Variants in CAPN13 observed in about 807,000 individuals in gnomAD.
CAPN13 encodes calpain-13.
CAPN13 carries 90 observed loss-of-function variants against 98.4 expected under a neutral mutation model. That is an observed-to-expected ratio of 0.92 (90% CI 0.77 to 1.09). CAPN13 has a LOEUF of 1.09. Ranked by LOEUF, CAPN13 falls within the 50% of genes least tolerant of loss-of-function variation. The pLI is 0.00. For synonymous variants in CAPN13, 330 were observed against 305.5 expected (o/e 1.08, Z -0.84); for missense variants, 887 against 841.3 (o/e 1.05, Z -0.67).
At chr2:30,769,430 G>A (rs138843981) in intron 5 of CAPN13, among the ~76,000 whole-genome samples, 132 of 152,218 alleles carry the variant, frequency 8.7e-4, no homozygotes, top group African/African-American at 2.9e-3. Flanking sequence ...ATTACTCTTC[G>A]TGTTTCCATT....
At chr2:30,774,706 T>C (rs1034891110) in intron 4 of CAPN13, among the ~76,000 whole-genome samples, 1 of 152,188 alleles carries the variant, frequency 6.6e-6, no homozygotes, top group Non-Finnish European at 1.5e-5. Context: ...GTAATTTCAC[T>C]ACTGTCTATT....
chr2:30,758,811 C>CCTTCCTCCCTTCCTTCCTCCCTT (rs1672619932), intron 7 of CAPN13, among the ~76,000 whole-genome samples: 1 of 92,648 alleles, frequency 1.1e-5, no homozygotes, highest in African/African-American at 5.5e-5. Context: ...TCCCTCCCTT[C>CCTTCCTCCCTTCCTTCCTCCCTT]CCTTCCTCCC....
intron 15 of CAPN13, chr2:30,741,414 A>T: frequency 1.0e-6 from 1 of 989,898 alleles, no homozygotes; most frequent in Non-Finnish European, 1.2e-6. Context: ...CCTGGCAGCT[A>T]TTTTATTCTG....
At chr2:30,739,038 T>A (rs1292263979) in intron 15 of CAPN13, among the ~76,000 whole-genome samples, 1 of 152,132 alleles carries the variant, frequency 6.6e-6, no homozygotes, top group Non-Finnish European at 1.5e-5. Context: ...TTCTTCGGAT[T>A]AAGAGCAGGA....
At chr2:30,779,630 C>T (rs534006213) in intron 2 of CAPN13, among the ~76,000 whole-genome samples, 1 of 152,202 alleles carries the variant, frequency 6.6e-6, no homozygotes, top group Admixed American at 6.5e-5. Flanking sequence ...TATACTCAGA[C>T]AAACCCATAG....
intron 1 of CAPN13, among the ~76,000 whole-genome samples, chr2:30,792,638 G>A (rs961149100): frequency 2.0e-5 from 3 of 151,964 alleles, no homozygotes; most frequent in African/African-American, 7.2e-5. Flanking sequence ...TTCAAGGACA[G>A]AGTAACACTA....
intron 1 of CAPN13, among the ~76,000 whole-genome samples, chr2:30,805,665 G>T (rs62139472): frequency 0.12 from 18,614 of 151,058 alleles, 1,341 homozygotes; most frequent in East Asian, 0.2. Flanking sequence ...TAAGGAGCAT[G>T]CCCCAAATCA....
intron 1 of CAPN13, among the ~76,000 whole-genome samples, chr2:30,787,960 G>A (rs1360281304): frequency 6.6e-6 from 1 of 152,186 alleles, no homozygotes; most frequent in Admixed American, 6.5e-5. Context: ...GGGACTGGAA[G>A]CAGGAAGGAA....
chr2:30,759,902 G>A (rs1056033348), intron 7 of CAPN13, among the ~76,000 whole-genome samples: 4 of 152,114 alleles, frequency 2.6e-5, no homozygotes, highest in African/African-American at 9.7e-5. Context: ...GTCACACATG[G>A]GCCCAGGAGC....
chr2:30,782,727 A>C (rs1674052648), intron 2 of CAPN13, among the ~76,000 whole-genome samples: 1 of 152,206 alleles, frequency 6.6e-6, no homozygotes, highest in East Asian at 1.9e-4. Context: ...TGGGGCACAC[A>C]GCCCATTTTT....
chr2:30,776,967 G>A (rs6714182), intron 3 of CAPN13, among the ~76,000 whole-genome samples: 57,732 of 152,098 alleles, frequency 0.38, 11,302 homozygotes, highest in African/African-American at 0.46. Flanking sequence ...ACCTATCATC[G>A]GCAAGCTGAC....
At chr2:30,724,588 A>G (rs72613856) in intron 22 of CAPN13, among the ~76,000 whole-genome samples, 5,892 of 152,066 alleles carry the variant, frequency 0.039, 200 homozygotes, top group East Asian at 0.14. Context: ...TCGGTTTCCC[A>G]GTTGGATACA....
intron 7 of CAPN13, among the ~76,000 whole-genome samples, chr2:30,758,912 CTTCT>C (rs142363578): frequency 0.018 from 2,595 of 145,708 alleles, 73 homozygotes; most frequent in East Asian, 0.15. Context: ...CTCGTCTTCC[CTTCT>C]TTCTTTCCTT....
intron 1 of CAPN13, among the ~76,000 whole-genome samples, chr2:30,796,266 T>A (rs1674880369): frequency 7.0e-6 from 1 of 143,266 alleles, no homozygotes; most frequent in African/African-American, 2.9e-5. Flanking sequence ...ATATATATAG[T>A]CTTGATTTTT....
chr2:30,743,292 A>G, intron 13 of CAPN13, 91 bp downstream of exon 13: 1 of 1,134,632 alleles, frequency 8.8e-7, no homozygotes, highest in South Asian at 1.3e-5. Flanking sequence ...CACAGGCTGC[A>G]CGAATGCACA....
Position 30,777,564 on chromosome 2 carries a change from TA to T in CAPN13, c.271+2del. 6.4e-7 allele frequency: 1 copy of T among 1,571,190 alleles called. No homozygotes were observed. Among genetic ancestry groups the T allele is most frequent in the Non-Finnish European group, 8.6e-7 (1 of 1,156,600 alleles). On this transcript the variant is annotated splice_donor_variant, in intron 3 of 22. Transcript: ENST00000295055. LOFTEE classifies it high-confidence loss of function. ...GCACGGAGGGAAGATGTTGCACTCT[TA>T]CCTGCGCCTCCTTGTTGGATGTCAA... is the stretch of plus-strand genomic sequence containing the variant.
intron 4 of CAPN13, among the ~76,000 whole-genome samples, chr2:30,770,968 T>A (rs951767458): frequency 6.6e-6 from 1 of 152,140 alleles, no homozygotes; most frequent in Non-Finnish European, 1.5e-5. Context: ...GGCAAAGGCC[T>A]GGAGACAGAT....
intron 3 of CAPN13, among the ~76,000 whole-genome samples, chr2:30,777,015 T>C (rs1673733429): frequency 6.6e-6 from 1 of 152,242 alleles, no homozygotes; most frequent in Non-Finnish European, 1.5e-5. Context: ...GAAGGGTTGT[T>C]GTTTTTGCTG....
intron 5 of CAPN13, 65 bp downstream of exon 5, chr2:30,770,248 T>G (rs1049855290): frequency 7.0e-6 from 11 of 1,581,108 alleles, no homozygotes; most frequent in South Asian, 1.2e-5. Flanking sequence ...AGGGACTGTT[T>G]GCATTCCGGG....
Sources: gnomAD v4.1 joint callset for allele counts (sites outside exome capture counted in the v4.1 genomes callset) on GRCh38, gnomAD v4.1.1 for gene constraint, MANE v1.5 for transcripts, NCBI Gene and HGNC (gene_info 2026-07-23, HGNC 2026-07-21) for gene names.